MYH10: variants seen among roughly 807,000 people sequenced by gnomAD.
MYH10 encodes the protein myosin heavy chain 10.
In MYH10, 55 loss-of-function variants were observed where a neutral mutation model predicts 257.8. The ratio of observed to expected loss-of-function variants is 0.21; its 90% CI spans 0.17 to 0.27. MYH10 has a LOEUF of 0.27. Ranked by LOEUF, MYH10 falls within the 10% of genes least tolerant of loss-of-function variation. The probability of loss-of-function intolerance (pLI) is 1.00; values close to 1 mark genes in which losing one functional copy is unlikely to be tolerated. For missense variants in MYH10, 1,631 were observed against 2,500.6 expected (o/e 0.65, Z 7.42); for synonymous variants, 854 against 921.7 (o/e 0.93, Z 1.33).
At chr17:8,564,461 T>C (rs1283740454) in intron 7 of MYH10, among the ~76,000 whole-genome samples, 1 of 152,230 alleles carries the variant, frequency 6.6e-6, no homozygotes, top group African/African-American at 2.4e-5. Context: ...CCTCATGTTC[T>C]CTACCCTTGC....
At position 8,554,822 on chromosome 17, in the gene MYH10, G is replaced by A. The variant is rs144066820; in HGVS notation, c.757-804C>T. On this transcript the variant is annotated intron_variant, in intron 7 of 42. Coordinates refer to ENST00000360416, the MANE Select transcript of MYH10 (RefSeq NM_001256012.3). The stretch of plus-strand genomic sequence containing the variant: ...AAAAAATTTAGCTGGGCATGGTGGC[G>A]CATGCCTGTAATCCCAGCTACTCGG... 1.7e-3 allele frequency among the ~76,000 whole-genome samples: 256 copies of A among 152,250 alleles called. 1 individual carries two copies. The highest frequency in any genetic ancestry group is 5.8e-3 in the African/African-American group (243 of 41,554).
chr17:8,493,336 T>C (rs1916067197), intron 32 of MYH10, among the ~76,000 whole-genome samples: 1 of 150,422 alleles, frequency 6.6e-6, no homozygotes, highest in African/African-American at 2.5e-5. Flanking sequence ...AAAGTGAGAC[T>C]CTATCTCAAG....
intron 21 of MYH10, among the ~76,000 whole-genome samples, chr17:8,515,034 A>G (rs2081420455): frequency 6.6e-6 from 1 of 151,904 alleles, no homozygotes; most frequent in Non-Finnish European, 1.5e-5. Context: ...TCCCACCTAG[A>G]CTCTGAGTTC....
chr17:8,530,643 G>C lies in MYH10; in HGVS notation c.1937C>G (p.Ser646Cys). The C allele has an allele frequency of 1.3e-6, 2 of 1,547,628 alleles. No individual in the cohort carries two copies. The highest frequency in any genetic ancestry group is 1.7e-6 in the Non-Finnish European group (2 of 1,145,404). ...IQRASFYDSV[S>C]GLHEPPVDRI... Reference sequence around the variant, plus strand: ...TTCACCTGGTGGCTCATGAAGACCAGAAACACTGTCATAGAAAGAAGCTCT... The same window carrying C: ...TTCACCTGGTGGCTCATGAAGACCACAAACACTGTCATAGAAAGAAGCTCT... The change falls in exon 17 of 43, where the codon TCT becomes TGT. Residue 646 changes from serine (S) to cysteine (C), a missense_variant. Ser to Cys is a moderately radical substitution (Grantham distance 112). Coordinates refer to ENST00000360416, the MANE Select transcript of MYH10 (RefSeq NM_001256012.3).
intron 17 of MYH10, among the ~76,000 whole-genome samples, 198 bp downstream of exon 17, chr17:8,530,425 T>G (rs2081974908): frequency 6.6e-6 from 1 of 152,154 alleles, no homozygotes. Context: ...AACATTTGCC[T>G]TGAAGTATAA....
At chr17:8,609,828 C>T (rs1010593037) in intron 2 of MYH10, among the ~76,000 whole-genome samples, 1 of 151,498 alleles carries the variant, frequency 6.6e-6, no homozygotes, top group African/African-American at 2.4e-5. Context: ...AATAATAATA[C>T]ATAGAGGGCA....
At chr17:8,604,104 C>CT (rs1285008670) in intron 3 of MYH10, among the ~76,000 whole-genome samples, 1 of 152,082 alleles carries the variant, frequency 6.6e-6, no homozygotes, top group Non-Finnish European at 1.5e-5. Flanking sequence ...GAACCTTATG[C>CT]TTTTTATTAA....
chr17:8,629,331 T>C (rs1394302733), intron 1 of MYH10, among the ~76,000 whole-genome samples: 1 of 151,260 alleles, frequency 6.6e-6, no homozygotes, highest in Non-Finnish European at 1.5e-5. Flanking sequence ...CCGCCTGCTT[T>C]CCCCTACCCC....
chr17:8,482,506 A>C (rs1170940486), intron 37 of MYH10, among the ~76,000 whole-genome samples: 3 of 152,142 alleles, frequency 2.0e-5, no homozygotes, highest in African/African-American at 2.4e-5. Context: ...CAGCTCTACC[A>C]TCTGGCCTCT....
chr17:8,483,056 A>G (rs765325070), intron 37 of MYH10, among the ~76,000 whole-genome samples: 2 of 152,250 alleles, frequency 1.3e-5, no homozygotes, highest in Non-Finnish European at 2.9e-5. Context: ...ACTAGAAATC[A>G]ACTTAAAAAA....
At chr17:8,594,851 T>C in intron 3 of MYH10, among the ~76,000 whole-genome samples, 1 of 152,214 alleles carries the variant, frequency 6.6e-6, no homozygotes, top group East Asian at 1.9e-4. Flanking sequence ...AGTGTATTGT[T>C]TAGGGAATAA....
chr17:8,529,459 C>T (rs188507026), intron 17 of MYH10, among the ~76,000 whole-genome samples: 5 of 152,296 alleles, frequency 3.3e-5, no homozygotes, highest in Admixed American at 3.3e-4. Context: ...AGCACAAGTC[C>T]CAGGTTATAG....
At position 8,475,482 on chromosome 17, in the gene MYH10, C is replaced by T. The variant is rs1247303346; in HGVS notation, c.*322G>A. On this transcript the variant is annotated 3_prime_UTR_variant, in exon 43 of 43. Transcript: ENST00000360416. ...GCGCTGCCCCAATAACCCAGCGACC[C>T]GCAACCAAGGGCCTGGAGTTTGTTT... 1.7e-5 allele frequency: 4 copies of T among 235,080 alleles called. No individual in the cohort carries two copies. The highest frequency in any genetic ancestry group is 5.1e-5 in the Admixed American group (1 of 19,608). 14.6% of individuals were successfully genotyped at this position (235,080 alleles called of 1,614,324 possible).
intron 1 of MYH10, among the ~76,000 whole-genome samples, chr17:8,625,163 A>G (rs1362017789): frequency 6.6e-6 from 1 of 152,204 alleles, no homozygotes; most frequent in African/African-American, 2.4e-5. Context: ...AGGCAGGAGA[A>G]TTGCTTGAAC....
At chr17:8,577,009 C>G (rs1012755707) in intron 5 of MYH10, among the ~76,000 whole-genome samples, 4 of 152,198 alleles carry the variant, frequency 2.6e-5, no homozygotes, top group African/African-American at 9.6e-5. Flanking sequence ...CATCAAGCCA[C>G]AACCATAATT....
At chr17:8,498,136 C>G (rs2151836170) in intron 30 of MYH10, among the ~76,000 whole-genome samples, 1 of 151,928 alleles carries the variant, frequency 6.6e-6, no homozygotes, top group East Asian at 2.0e-4. Flanking sequence ...GTGTGCACCA[C>G]CACACCTGGC....
At chr17:8,499,833 A>G (rs963456172) in intron 29 of MYH10, among the ~76,000 whole-genome samples, 2 of 152,224 alleles carry the variant, frequency 1.3e-5, no homozygotes, top group Non-Finnish European at 2.9e-5. Context: ...TAACATGAGC[A>G]GGCACCCTTG....
rs749817641 is a variant in MYH10, at chr17:8,480,211, C to T, written c.5496G>A (p.Leu1832=). 2 of 1,614,038 alleles carry T rather than the reference C, an allele frequency of 1.2e-6. No homozygotes were observed. The highest frequency in any genetic ancestry group is 2.7e-5 in the African/African-American group (2 of 74,934). The change falls in exon 40 of 43, where the codon CTG becomes CTA. Residue 1832 remains leucine (L), a synonymous_variant. Coordinates refer to ENST00000360416, the MANE Select transcript of MYH10 (RefSeq NM_001256012.3). ...ACTTGACAGCACCCTCGAGTTCCTG[C>T]AGCTTGGCCTTCAGCTCCTTGTTCT... ...ERQNKELKAK[L]QELEGAVKSK...
chr17:8,491,934 T>C (rs1220767086), intron 34 of MYH10, among the ~76,000 whole-genome samples: 1 of 152,114 alleles, frequency 6.6e-6, no homozygotes, highest in Non-Finnish European at 1.5e-5. Flanking sequence ...CCTCCTCCTC[T>C]CCAGGTCCCC....
Sources: gnomAD v4.1 joint callset for allele counts (sites outside exome capture counted in the v4.1 genomes callset) on GRCh38, gnomAD v4.1.1 for gene constraint, MANE v1.5 for transcripts, NCBI Gene and HGNC (gene_info 2026-07-23, HGNC 2026-07-21) for gene names.